Variants in CYP2J2 observed in about 807,000 individuals in gnomAD.
The protein encoded by CYP2J2 is cytochrome P450 family 2 subfamily J member 2, also known as cytochrome P450 2J2.
CYP2J2 carries 41 observed loss-of-function variants against 48.8 expected under a neutral mutation model. That is an observed-to-expected ratio of 0.84 (90% confidence interval 0.66 to 1.09). The LOEUF is 1.09. Among genes scored for constraint, CYP2J2 ranks in the 50% least tolerant of loss-of-function variants. The pLI is 0.00. For missense variants in CYP2J2, 644 were observed against 617.3 expected (o/e 1.04, Z -0.46); for synonymous variants, 221 against 227.1 (o/e 0.97, Z 0.24).
chr1:59,904,308 C>T (rs545613824), intron 7 of CYP2J2: 2 of 152,096 alleles, frequency 1.3e-5, no homozygotes, highest in East Asian at 3.8e-4. Flanking sequence ...TAAATAAATA[C>T]ATACATTAAT....
At chr1:59,924,418 G>GTT (rs1644545191) in intron 1 of CYP2J2, among the ~76,000 whole-genome samples, 1 of 152,098 alleles carries the variant, frequency 6.6e-6, no homozygotes. Context: ...ATTCTCTTGA[G>GTT]TTTTCAAAAT....
At position 59,893,687 on chromosome 1, in the gene CYP2J2, TG is replaced by T. The variant is rs771215651; in HGVS notation, c.1472del (p.Pro491GlnfsTer31). The T allele has an allele frequency of 1.9e-6, 3 of 1,612,672 alleles. No homozygotes were observed. Among genetic ancestry groups the T allele is most frequent in the African/African-American group, 2.7e-5 (2 of 74,924 alleles). Reference sequence around the variant, plus strand: ...GAACAGCGCAGAGGCGGTGACTGACTGGGGAAATGGTGATACCCATTCTAAA... The same window carrying T: ...GAACAGCGCAGAGGCGGTGACTGACTGGGAAATGGTGATACCCATTCTAAA... The part of the protein sequence containing the change: ...LKFRMGITIS[P>X]VSHRLCAVPQ... On this transcript the variant is annotated frameshift_variant, in exon 9 of 9. Transcript: ENST00000371204. LOFTEE classifies it high-confidence loss of function.
At chr1:59,935,019 T>TATATATATATATATATACAC in the CYP2J2 span, among the ~76,000 whole-genome samples, 2 of 41,934 alleles carry the variant, frequency 4.8e-5, no homozygotes, top group African/African-American at 2.0e-4. Flanking sequence ...TATATACATA[T>TATATATATATATATATACAC]ATATATATAT....
intron 8 of CYP2J2, among the ~76,000 whole-genome samples, chr1:59,896,876 G>A (rs763974706): frequency 6.6e-6 from 1 of 152,216 alleles, no homozygotes; most frequent in Non-Finnish European, 1.5e-5. Context: ...CATTGTCCTT[G>A]TGGAGATTAT....
chr1:59,950,445 G>A, the CYP2J2 span, among the ~76,000 whole-genome samples: 70 of 152,080 alleles, frequency 4.6e-4, no homozygotes, highest in African/African-American at 1.6e-3. Flanking sequence ...CTTCAGTGTT[G>A]GCCTCCCTGA....
At chr1:59,960,157 G>T in the CYP2J2 span, among the ~76,000 whole-genome samples, 3 of 152,118 alleles carry the variant, frequency 2.0e-5, no homozygotes, top group Non-Finnish European at 2.9e-5. Flanking sequence ...TTTGAAAATT[G>T]TAGGGAAAAA....
chr1:59,939,525 G>C, the CYP2J2 span, among the ~76,000 whole-genome samples: 2 of 152,136 alleles, frequency 1.3e-5, no homozygotes, highest in African/African-American at 4.8e-5. Context: ...GGATTGCACT[G>C]GTTCAGACCT....
Position 59,901,082 on chromosome 1 carries a change from A to G in CYP2J2, c.1213T>C (p.Leu405=), listed in dbSNP as rs201042332. ...GTGGGGTCCCTGTGCAGCGCCGTCA[A>G]ATTGGTCAGGATCATGGTACCCTAG... is the stretch of plus-strand genomic sequence containing the variant. ...LPKGTMILTN[L]TALHRDPTEW... The change falls in exon 8 of 9, where the codon TTG becomes CTG. Residue 405 remains leucine, a synonymous_variant. Coordinates refer to ENST00000371204, the MANE Select transcript of CYP2J2 (RefSeq NM_000775.4). 40 of 1,613,842 alleles carry G rather than the reference A, an allele frequency of 2.5e-5. No individual in the cohort carries two copies. Among genetic ancestry groups the G allele is most frequent in the Middle Eastern group, 3.3e-4 (2 of 6,082 alleles).
At position 59,909,915 on chromosome 1, in the gene CYP2J2, G is replaced by T. The variant is rs764222040; in HGVS notation, c.730C>A (p.His244Asn). ...PWIMKFLPGP[H>N]QTLFSNWKKL... The stretch of plus-strand genomic sequence containing the variant: ...TTCCAGTTGCTGAAGAGAGTTTGGT[G>T]GGGTCCAGGCAGGAATTTCATTATC... Residue 244 changes from histidine to asparagine, a missense_variant, in exon 5 of 9, where the codon CAC becomes AAC. His to Asn is a moderately conservative substitution (Grantham distance 68). Transcript: ENST00000371204. The T allele has an allele frequency of 6.2e-7, 1 of 1,611,394 alleles. No individual in the cohort carries two copies. The highest frequency in any genetic ancestry group is 1.1e-5 in the South Asian group (1 of 90,612).
the CYP2J2 span, among the ~76,000 whole-genome samples, chr1:59,946,424 T>C: frequency 6.6e-6 from 1 of 152,236 alleles, no homozygotes; most frequent in Non-Finnish European, 1.5e-5. Flanking sequence ...AACTCCTTTC[T>C]TTCCTACTTT....
the CYP2J2 span, among the ~76,000 whole-genome samples, chr1:59,932,283 G>C: frequency 6.6e-6 from 1 of 152,066 alleles, no homozygotes; most frequent in African/African-American, 2.4e-5. Flanking sequence ...ATTTCATGAA[G>C]ATTTTATTGA....
the CYP2J2 span, among the ~76,000 whole-genome samples, chr1:59,950,376 A>G: frequency 6.6e-6 from 1 of 152,304 alleles, no homozygotes; most frequent in East Asian, 1.9e-4. Flanking sequence ...AGAGCTCTTC[A>G]TATTTCATTG....
chr1:59,954,587 T>TA, the CYP2J2 span, among the ~76,000 whole-genome samples: 2 of 111,132 alleles, frequency 1.8e-5, no homozygotes, highest in African/African-American at 4.7e-5. Context: ...TCTTGGTGGG[T>TA]CGGGGGGGGA....
chr1:59,929,283 G>T (rs573678927), upstream of CYP2J2, among the ~76,000 whole-genome samples: 6 of 152,278 alleles, frequency 3.9e-5, no homozygotes, highest in African/African-American at 1.4e-4. Context: ...AAAAAGAATT[G>T]GGAGAGAAGA....
At position 59,893,433 on chromosome 1, in the gene CYP2J2, A is replaced by G. The variant is rs1057443914; in HGVS notation, c.*218T>C. On this transcript the variant is annotated 3_prime_UTR_variant, in exon 9 of 9. Coordinates refer to ENST00000371204, the MANE Select transcript of CYP2J2 (RefSeq NM_000775.4). ...TTATCCTCTTTTCATCTCCTAGATA[A>G]AAAGGTAAATTATTTAGCATATAAA... The G allele has an allele frequency of 3.5e-5, 16 of 453,342 alleles. No homozygotes were observed. The highest frequency in any genetic ancestry group is 5.9e-5 in the Non-Finnish European group (15 of 256,250). The allele number at this position is 453,342 out of a possible 1,614,324, so 28.1% of individuals were successfully genotyped here.
intron 1 of CYP2J2, among the ~76,000 whole-genome samples, chr1:59,922,348 A>G (rs942589001): frequency 1.3e-5 from 2 of 152,258 alleles, no homozygotes; most frequent in African/African-American, 4.8e-5. Context: ...TGAAGATGAA[A>G]TGAAAACTGA....
intron 4 of CYP2J2, 86 bp from the exon 5 acceptor site, chr1:59,910,046 G>T: frequency 4.7e-6 from 5 of 1,057,878 alleles, no homozygotes; most frequent in Non-Finnish European, 5.5e-6. Context: ...TTCTCTTTCC[G>T]TCTCTTTTAT....
intron 8 of CYP2J2, among the ~76,000 whole-genome samples, chr1:59,895,209 C>T (rs1010302582): frequency 1.3e-5 from 2 of 152,342 alleles, no homozygotes; most frequent in East Asian, 1.9e-4. Flanking sequence ...CCAGTACAGC[C>T]AGTACATGAT....
chr1:59,944,839 TA>T, the CYP2J2 span, among the ~76,000 whole-genome samples: 3 of 152,106 alleles, frequency 2.0e-5, no homozygotes, highest in South Asian at 2.1e-4. Context: ...AATGCCACTT[TA>T]AAAAAAGCCA....
Sources: gnomAD v4.1 joint callset for allele counts (sites outside exome capture counted in the v4.1 genomes callset) on GRCh38, gnomAD v4.1.1 for gene constraint, MANE v1.5 for transcripts, NCBI Gene and HGNC (gene_info 2026-07-23, HGNC 2026-07-21) for gene names.